The following NXN variants were observed in gnomAD, a reference collection of about 807,000 sequenced individuals.
NXN encodes the protein nucleoredoxin.
NXN carries 16 observed loss-of-function variants against 48.6 expected under a neutral mutation model. The observed-to-expected ratio is 0.33, with a 90% confidence interval of 0.22 to 0.50. The LOEUF (loss-of-function observed/expected upper bound fraction) is 0.50. Ranked by LOEUF, NXN falls within the 20% of genes least tolerant of loss-of-function variation. NXN has a pLI of 0.98. For missense variants in NXN, 492 were observed against 605.5 expected (o/e 0.81, Z 1.97); for synonymous variants, 281 against 269.6 (o/e 1.04, Z -0.41).
intron 1 of NXN, chr17:842,506 C>A (rs1292553467): frequency 2.0e-6 from 2 of 985,242 alleles, no homozygotes; most frequent in African/African-American, 3.5e-5. Context: ...CACGGGGCCG[C>A]GTCTCACATG....
intron 1 of NXN, among the ~76,000 whole-genome samples, chr17:890,143 G>A (rs1371793174): frequency 6.6e-6 from 1 of 151,808 alleles, no homozygotes; most frequent in African/African-American, 2.4e-5. Context: ...TACTCGTTAT[G>A]AAATAAACTT....
chr17:934,829 G>A (rs150087334), intron 1 of NXN, among the ~76,000 whole-genome samples: 1,891 of 152,086 alleles, frequency 0.012, 48 homozygotes, highest in African/African-American at 0.042. Context: ...AGCCGAGATC[G>A]TGCTATTTCA....
rs1261171662 is a variant in NXN at position 956,117 on chromosome 17, G to C, written c.360+23202C>G. ...TTTTGAAATAAGGGCATTTAATTAT[G>C]ATGACAGCACCAATAAACACTGAGA... On this transcript the variant is annotated intron_variant, in intron 1 of 7. Coordinates refer to ENST00000336868, the MANE Select transcript of NXN (RefSeq NM_022463.5). The surrounding 1 kb of genome is among the most constrained non-coding windows in gnomAD (Gnocchi z 4.1). Among the ~76,000 whole-genome samples, 1 of 152,088 alleles carries C rather than the reference G, an allele frequency of 6.6e-6. No homozygotes were observed. Among genetic ancestry groups the C allele is most frequent in the African/African-American group, 2.4e-5 (1 of 41,410 alleles).
chr17:883,607 G>A (rs1394083412), intron 1 of NXN, among the ~76,000 whole-genome samples: 2 of 152,212 alleles, frequency 1.3e-5, no homozygotes, highest in African/African-American at 2.4e-5. Context: ...AAGCCAGGTC[G>A]ATGCTGGAAG....
At chr17:805,343 G>C (rs73285764) in intron 5 of NXN, 96 bp from the exon 6 acceptor site, 2 of 1,324,400 alleles carry the variant, frequency 1.5e-6, no homozygotes, top group African/African-American at 2.9e-5. Flanking sequence ...CCCCCCGACC[G>C]TGGTGGAGCC....
intron 1 of NXN, among the ~76,000 whole-genome samples, chr17:970,212 C>CGTCGTGGTGCA (rs1205462902): frequency 1.3e-5 from 2 of 152,092 alleles, no homozygotes; most frequent in African/African-American, 4.8e-5. Flanking sequence ...GCTTCTGCCT[C>CGTCGTGGTGCA]GTCGTGGTGC....
At chr17:808,326 G>A (rs1002694242) in intron 5 of NXN, among the ~76,000 whole-genome samples, 19 of 139,876 alleles carry the variant, frequency 1.4e-4, no homozygotes, top group Admixed American at 2.9e-4. Context: ...TTTTTTAGAC[G>A]CAGTCTCCCT....
At chr17:848,258 C>T (rs1183123253) in intron 1 of NXN, among the ~76,000 whole-genome samples, 2 of 152,172 alleles carry the variant, frequency 1.3e-5, no homozygotes, top group Non-Finnish European at 2.9e-5. Context: ...CTACCTCAGC[C>T]TCCTGAGTAT....
chr17:867,904 A>T (rs1001094995), intron 1 of NXN, among the ~76,000 whole-genome samples: 1 of 152,116 alleles, frequency 6.6e-6, no homozygotes, highest in Non-Finnish European at 1.5e-5. Flanking sequence ...TCAAAAAAAA[A>T]AAAAAGTCTT....
intron 1 of NXN, among the ~76,000 whole-genome samples, chr17:963,801 G>C (rs1306305507): frequency 6.6e-6 from 1 of 152,140 alleles, no homozygotes; most frequent in East Asian, 1.9e-4. Flanking sequence ...TGCTGGGCCG[G>C]GCGCGGTGGC....
rs111924353 is a variant in NXN at position 844,585 on chromosome 17, C to CT, written c.361-18508dup. On this transcript the variant is annotated intron_variant, in intron 1 of 7. Transcript: ENST00000336868. Reference sequence around the variant, plus strand: ...CGTACAAGGTTTCTTTTTTTCTTTTCTTTTTTTTCTTTTTTTTGAGATGGA... The same window carrying CT: ...CGTACAAGGTTTCTTTTTTTCTTTTCTTTTTTTTTCTTTTTTTTGAGATGGA... Among the ~76,000 whole-genome samples, 883 of 151,894 alleles carry CT rather than the reference C, an allele frequency of 5.8e-3. 8 individuals are homozygous for CT. The highest frequency in any genetic ancestry group is 0.019 in the African/African-American group (803 of 41,464).
rs1233237987 is a variant in NXN at position 801,005 on chromosome 17, C to T, written c.1252G>A (p.Val418Met). The T allele has an allele frequency of 1.3e-5, 20 of 1,563,234 alleles. No individual in the cohort carries two copies. Among genetic ancestry groups the T allele is most frequent in the Non-Finnish European group, 1.7e-5 (20 of 1,152,620 alleles). ...AGGAAGTCATTCACAAAGGCCTCCA[C>T]GATGGCGGGGGTGATCTCCTCCACG... Reference protein sequence around the residue: ...MDVEEITPAIVEAFVNDFLAE... With the variant: ...MDVEEITPAIMEAFVNDFLAE... Residue 418 changes from valine (V) to methionine (M), a missense_variant, in exon 8 of 8, where the codon GTG becomes ATG. Val to Met is a conservative substitution (Grantham distance 21). This residue lies in a region of NXN where 303 missense variants were observed against 388.3 expected (regional missense o/e 0.78). Transcript: ENST00000336868.
chr17:812,742 G>A (rs898030800), intron 5 of NXN, among the ~76,000 whole-genome samples: 15 of 136,164 alleles, frequency 1.1e-4, no homozygotes, highest in African/African-American at 3.6e-4. Flanking sequence ...TGTAGGGTGC[G>A]TGAGTGAGAG....
chr17:841,625 G>GCAGGTCCCCCCGACCACGGC (rs1567828107), intron 1 of NXN, among the ~76,000 whole-genome samples: 1 of 86,282 alleles, frequency 1.2e-5, no homozygotes, highest in African/African-American at 5.2e-5. Flanking sequence ...ATCTCACACG[G>GCAGGTCCCCCCGACCACGGC]GCAAGCAGGT....
At chr17:924,518 T>A (rs2068779693) in intron 1 of NXN, among the ~76,000 whole-genome samples, 1 of 152,226 alleles carries the variant, frequency 6.6e-6, no homozygotes, top group Non-Finnish European at 1.5e-5. Context: ...ATTACAGGGA[T>A]GAGCCACTGC....
At chr17:963,946 G>A (rs188640642) in intron 1 of NXN, among the ~76,000 whole-genome samples, 21 of 124,878 alleles carry the variant, frequency 1.7e-4, no homozygotes, top group African/African-American at 5.4e-4. Flanking sequence ...GCGTGGTGGC[G>A]GGCGCCTGTA....
rs190561043 is a variant in NXN, at chr17:812,710, A to G, written c.820+6729T>C. On this transcript the variant is annotated intron_variant, in intron 5 of 7. Transcript: ENST00000336868. The stretch of plus-strand genomic sequence containing the variant: ...TGCACATATGAATGTAGGTGTTTGC[A>G]TGTGAGTGTAGGGTGTGTGAGTGTA... Among the ~76,000 whole-genome samples the G allele has an allele frequency of 4.9e-3, 641 of 130,146 alleles. 6 individuals carry two copies. The highest frequency in any genetic ancestry group is 0.016 in the African/African-American group (575 of 36,064). 85.4% of individuals were successfully genotyped at this position (130,146 alleles called of 152,430 possible). A position where few individuals can be genotyped will look rare whatever the true frequency, so the allele number is the denominator to read the frequency against.
intron 1 of NXN, among the ~76,000 whole-genome samples, chr17:890,419 G>C (rs907320287): frequency 2.0e-5 from 3 of 152,184 alleles, no homozygotes; most frequent in Non-Finnish European, 4.4e-5. Context: ...TGTCGCCCAG[G>C]CTGGAGTGCA....
chr17:851,997 A>G (rs959504554), intron 1 of NXN, among the ~76,000 whole-genome samples: 1 of 152,216 alleles, frequency 6.6e-6, no homozygotes. Context: ...AAAGCTGGAA[A>G]AAGCACGCTG....
Sources: gnomAD v4.1 joint callset for allele counts (sites outside exome capture counted in the v4.1 genomes callset) on GRCh38, gnomAD v4.1.1 for gene constraint, gnomAD v4.1.1 regional missense constraint, Gnocchi (gnomAD v3.1) non-coding constraint, MANE v1.5 for transcripts, NCBI Gene and HGNC (gene_info 2026-07-23, HGNC 2026-07-21) for gene names.